The following LTBR variants were observed in gnomAD, a reference collection of about 807,000 sequenced individuals.
LTBR encodes lymphotoxin beta receptor.
In LTBR, 15 loss-of-function variants were observed where a neutral mutation model predicts 45.4. The ratio of observed to expected loss-of-function variants is 0.33; its 90% CI spans 0.22 to 0.51. The LOEUF is 0.51. LTBR is among the 20% of genes least tolerant of loss of function. LTBR has a pLI of 0.97. For synonymous variants in LTBR, 228 were observed against 231.0 expected, an observed-to-expected ratio of 0.99 and a Z score of 0.12; for missense variants, 450 against 565.5, an observed-to-expected ratio of 0.80 and a Z score of 2.07.
Position 6,384,177 on chromosome 12 carries a change from G to T in LTBR, c.-182G>T. Reference sequence around the variant, plus strand: ...AGCTCGCTCCACTCCCACTTCCTGAGCTCCGCCATGGGAGCCCTGGAGGCC... The same window carrying T: ...AGCTCGCTCCACTCCCACTTCCTGATCTCCGCCATGGGAGCCCTGGAGGCC... On this transcript the variant is annotated 5_prime_UTR_variant, in exon 1 of 10. Coordinates refer to ENST00000228918, the MANE Select transcript of LTBR (RefSeq NM_002342.3). 7.7e-7 allele frequency: 1 copy of T among 1,299,948 alleles called. No homozygotes were observed. The allele number at this position is 1,299,948 out of a possible 1,614,324, so 80.5% of individuals were successfully genotyped here. A position where few individuals can be genotyped will look rare whatever the true frequency, so the allele number is the denominator to read the frequency against.
In LTBR at chr12:6,391,455, C is replaced by T. The variant is rs911292165; in HGVS notation, c.*518C>T. 6.6e-6 allele frequency: 1 copy of T among 152,342 alleles called. No homozygotes were observed. The highest frequency in any genetic ancestry group is 2.4e-5 in the African/African-American group (1 of 41,430). The allele number at this position is 152,342 out of a possible 1,614,324, so 9.4% of individuals were successfully genotyped here. A position where few individuals can be genotyped will look rare whatever the true frequency, so the allele number is the denominator to read the frequency against. On this transcript the variant is annotated 3_prime_UTR_variant, in exon 10 of 10. Coordinates refer to ENST00000228918, the MANE Select transcript of LTBR (RefSeq NM_002342.3). ...AGAGGAGAGGAAAGGGAGTCATTAACAACTAGGGGGTTGGGTAGGATTCCT... is the reference window on the plus strand; with the variant it reads ...AGAGGAGAGGAAAGGGAGTCATTAATAACTAGGGGGTTGGGTAGGATTCCT...
chr12:6,390,510 C>A, intron 9 of LTBR, 150 bp from the exon 10 acceptor site: 1 of 1,010,006 alleles, frequency 9.9e-7, no homozygotes, highest in South Asian at 1.6e-5. Flanking sequence ...AACCCAGAAG[C>A]AGAGAAATGA....
chr12:6,377,816 A>T, intron 1 of LTBR: 1 of 476,196 alleles, frequency 2.1e-6, no homozygotes, highest in South Asian at 1.6e-5. Flanking sequence ...AATAGTTTTC[A>T]TATCAAGGGC....
chr12:6,384,255 A>G lies in LTBR; in HGVS notation c.-104A>G. On this transcript the variant is annotated 5_prime_UTR_variant, in exon 1 of 10. Coordinates refer to ENST00000228918, the MANE Select transcript of LTBR (RefSeq NM_002342.3). ...GCACATCGGCCCTGAGTCCCGTCCC[A>G]GGCTCTGGGCTCGGGCAGCCGCCGC... The G allele has an allele frequency of 1.4e-6, 2 of 1,411,106 alleles. No homozygotes were observed. The highest frequency in any genetic ancestry group is 9.2e-7 in the Non-Finnish European group (1 of 1,088,108). 87.4% of individuals were successfully genotyped at this position (1,411,106 alleles called of 1,614,324 possible).
At position 6,390,236 on chromosome 12, in the gene LTBR, C is replaced by T. The variant is rs1473727426; in HGVS notation, c.926C>T (p.Pro309Leu). The stretch of plus-strand genomic sequence containing the variant: ...GTTTCCCCAGTATCCACTGGGCTCC[C>T]CGCAGCCCCAGTTTTGGAGGCAGGG... ...GDVSPVSTGL[P>L]AAPVLEAGVP... Residue 309 changes from proline to leucine, a missense_variant, in exon 9 of 10, where the codon CCC (proline) becomes CTC (leucine). Coordinates refer to ENST00000228918, the MANE Select transcript of LTBR (RefSeq NM_002342.3). 6.2e-7 allele frequency: 1 copy of T among 1,614,088 alleles called. No homozygotes were observed. Among genetic ancestry groups the T allele is most frequent in the South Asian group, 1.1e-5 (1 of 91,078 alleles).
Position 6,391,053 on chromosome 12 carries a change from AAGGG to A in LTBR, c.*118_*121del. On this transcript the variant is annotated 3_prime_UTR_variant, in exon 10 of 10. Transcript: ENST00000228918. ...GTAGGGCCCGGGGAAGCAGAGCCCT[AAGGG>A]ATTAAGGCTCAGACACCTCTGAGAG... is the stretch of plus-strand genomic sequence containing the variant. The A allele has an allele frequency of 8.9e-7, 1 of 1,119,760 alleles. No homozygotes were observed. The highest frequency in any genetic ancestry group is 1.2e-6 in the Non-Finnish European group (1 of 816,672). 69.4% of individuals were successfully genotyped at this position (1,119,760 alleles called of 1,614,324 possible).
At chr12:6,390,443 G>A in intron 9 of LTBR, 103 bp downstream of exon 9, 3 of 1,086,922 alleles carry the variant, frequency 2.8e-6, no homozygotes, top group Non-Finnish European at 2.6e-6. Flanking sequence ...AACAGAGGCA[G>A]ACAGAGACTC....
rs1949013315 is a variant in LTBR at position 6,384,329 on chromosome 12, C to G, written c.-30C>G. ...CTCCTGCCTTCCTCCCAGGCCCCCA[C>G]GTTGCTGGCCGCCTGGCCGAGTGGC... On this transcript the variant is annotated 5_prime_UTR_variant, in exon 1 of 10. Transcript: ENST00000228918. 5.5e-6 allele frequency: 8 copies of G among 1,461,796 alleles called. No homozygotes were observed. The highest frequency in any genetic ancestry group is 7.2e-6 in the Non-Finnish European group (8 of 1,112,530). The allele number at this position is 1,461,796 out of a possible 1,614,324, so 90.6% of individuals were successfully genotyped here.
At position 6,384,579 on chromosome 12, in the gene LTBR, C is replaced by T. The variant is rs41441750; in HGVS notation, c.97-9C>T. On this transcript the variant is annotated splice_polypyrimidine_tract_variant and intron_variant, in intron 1 of 9. Coordinates refer to ENST00000228918, the MANE Select transcript of LTBR (RefSeq NM_002342.3). ...ATTCTTCTCTCCTCTTCTCCATCTC[C>T]CTTTGAAGGTGCCTCCATATGCGTC... 2,484 of 1,613,382 alleles carry T rather than the reference C, an allele frequency of 1.5e-3. 21 individuals are homozygous for T. The African/African-American group carries it at 0.028, about 18-fold the overall frequency.
At chr12:6,382,701 C>T (rs143420672), upstream of LTBR, among the ~76,000 whole-genome samples, 170 of 152,314 alleles carry the variant, frequency 1.1e-3, no homozygotes, top group African/African-American at 3.9e-3. Context: ...CCTTTTGTGA[C>T]CTCTCCTCCC....
At chr12:6,389,959 AAGAAAGAAAGAGAG>A (rs1252726733) in intron 8 of LTBR, 139 bp from the exon 9 acceptor site, 1 of 624,494 alleles carries the variant, frequency 1.6e-6, no homozygotes, top group Admixed American at 2.8e-5. Flanking sequence ...CCTGTCTGGA[AAGAAAGAAAGAGAG>A]AGAGAGAAAG....
Position 6,386,336 on chromosome 12 carries a change from T to A in LTBR, c.570-11T>A, listed in dbSNP as rs760064775. On this transcript the variant is annotated splice_polypyrimidine_tract_variant and intron_variant, in intron 5 of 9. Coordinates refer to ENST00000228918, the MANE Select transcript of LTBR (RefSeq NM_002342.3). The surrounding 1 kb of genome is among the most constrained non-coding windows in gnomAD (Gnocchi z 4.1). ...GGCGTGAAAAGGTCATCATCTTTTT[T>A]TCCTCTGCAGGTGTGAGAACCAAGG... is the stretch of plus-strand genomic sequence containing the variant. The A allele has an allele frequency of 6.2e-7, 1 of 1,610,966 alleles. No homozygotes were observed. Among genetic ancestry groups the A allele is most frequent in the East Asian group, 2.2e-5 (1 of 44,860 alleles).
At chr12:6,390,453 C>G in intron 9 of LTBR, 113 bp downstream of exon 9, 2 of 1,024,402 alleles carry the variant, frequency 2.0e-6, no homozygotes, top group Non-Finnish European at 2.8e-6. Context: ...GACAGAGACT[C>G]CGCTGCCAGT....
chr12:6,389,995 G>C, intron 8 of LTBR, 117 bp from the exon 9 acceptor site: 1 of 725,498 alleles, frequency 1.4e-6, no homozygotes, highest in East Asian at 2.5e-5. Context: ...GAGAGAGAGA[G>C]AGAAAGGAAG....
Position 6,388,717 on chromosome 12 carries a change from C to T in LTBR, c.776-83C>T. ...GGGCCCCCGGGTGGTCAAGTTGCTA[C>T]ACATTGTGCTGGGATGTGGAGGCTG... On this transcript the variant is annotated intron_variant, in intron 7 of 9. Coordinates refer to ENST00000228918, the MANE Select transcript of LTBR (RefSeq NM_002342.3). The surrounding 1 kb of genome is among the most constrained non-coding windows in gnomAD (Gnocchi z 4.3). 1 of 1,561,994 alleles carries T rather than the reference C, an allele frequency of 6.4e-7. No homozygotes were observed. The highest frequency in any genetic ancestry group is 8.8e-7 in the Non-Finnish European group (1 of 1,134,240).
chr12:6,390,445 C>A, intron 9 of LTBR, 105 bp downstream of exon 9: 1 of 1,071,168 alleles, frequency 9.3e-7, no homozygotes, highest in Non-Finnish European at 1.3e-6. Context: ...CAGAGGCAGA[C>A]AGAGACTCCG....
At chr12:6,375,769 G>T in intron 1 of LTBR, 1 of 1,407,054 alleles carries the variant, frequency 7.1e-7, no homozygotes, top group Non-Finnish European at 9.2e-7. Flanking sequence ...GCAGGTGAGG[G>T]GCAAAGATCT....
intron 2 of LTBR, 104 bp from the exon 3 acceptor site, chr12:6,384,918 G>A (rs1003081032): frequency 6.8e-7 from 1 of 1,471,368 alleles, no homozygotes; most frequent in Non-Finnish European, 9.4e-7. Flanking sequence ...CAGGATGATG[G>A]GGGGCCAGAG....
intron 1 of LTBR, chr12:6,375,908 G>A: frequency 8.4e-7 from 1 of 1,191,188 alleles, no homozygotes; most frequent in Non-Finnish European, 1.0e-6. Context: ...CAATAGAGAG[G>A]GACAGCGAAG....
Sources: gnomAD v4.1 joint callset for allele counts (sites outside exome capture counted in the v4.1 genomes callset) on GRCh38, gnomAD v4.1.1 for gene constraint, Gnocchi (gnomAD v3.1) non-coding constraint, MANE v1.5 for transcripts, NCBI Gene and HGNC (gene_info 2026-07-23, HGNC 2026-07-21) for gene names.